NLGN1: variants seen among roughly 807,000 people sequenced by gnomAD.
The protein encoded by NLGN1 is neuroligin 1.
In NLGN1, 12 loss-of-function variants were observed where a neutral mutation model predicts 65.5. The observed-to-expected ratio is 0.18, with a 90% CI of 0.12 to 0.30. The LOEUF is 0.30. Among genes scored for constraint, NLGN1 ranks in the 10% least tolerant of loss-of-function variants. The pLI is 1.00. For synonymous variants in NLGN1, 350 were observed against 359.5 expected (o/e 0.97, Z 0.30); for missense variants, 750 against 1,007.1 (o/e 0.74, Z 3.46).
chr3:173,422,249 C>T (rs1715234399), intron 1 of NLGN1, among the ~76,000 whole-genome samples: 1 of 152,050 alleles, frequency 6.6e-6, no homozygotes, highest in Non-Finnish European at 1.5e-5. Flanking sequence ...AGACATTATG[C>T]TAATTGAAAT....
chr3:173,589,775 A>G (rs1372243012), intron 2 of NLGN1, among the ~76,000 whole-genome samples: 2 of 152,192 alleles, frequency 1.3e-5, no homozygotes, highest in African/African-American at 2.4e-5. Context: ...TTTTGTAACC[A>G]TAATGATTCT....
chr3:174,170,274 C>A (rs1394123190), intron 4 of NLGN1, among the ~76,000 whole-genome samples: 3 of 151,858 alleles, frequency 2.0e-5, no homozygotes, highest in African/African-American at 7.3e-5. Context: ...ACATTTCCCA[C>A]CTCCTACAAT....
chr3:174,031,436 A>G lies in NLGN1; in HGVS notation c.646+223604A>G, dbSNP rs561149205. On this transcript the variant is annotated intron_variant, in intron 4 of 6. Transcript: ENST00000457714. The stretch of plus-strand genomic sequence containing the variant: ...GTAAGTGTAAAAATGCCAATGATCA[A>G]CAGATATTTGAGATAAAGGTTTGTG... Among the ~76,000 whole-genome samples the G allele has an allele frequency of 1.9e-3, 284 of 152,288 alleles. 2 individuals are homozygous for G. The highest frequency in any genetic ancestry group is 6.4e-3 in the African/African-American group (268 of 41,556).
chr3:173,884,434 A>G (rs372405335), intron 4 of NLGN1, among the ~76,000 whole-genome samples: 1 of 152,140 alleles, frequency 6.6e-6, no homozygotes, highest in South Asian at 2.1e-4. Flanking sequence ...GATGTGTGCT[A>G]TATATGTTCG....
chr3:174,274,022 G>A (rs1179278340), intron 4 of NLGN1, among the ~76,000 whole-genome samples: 1 of 151,528 alleles, frequency 6.6e-6, no homozygotes, highest in East Asian at 1.9e-4. Flanking sequence ...GAATAAAATA[G>A]TTGTTATCAC....
At chr3:173,598,369 T>A (rs1165618736) in intron 2 of NLGN1, among the ~76,000 whole-genome samples, 2 of 152,158 alleles carry the variant, frequency 1.3e-5, no homozygotes, top group East Asian at 3.9e-4. Context: ...TTAATTGCTT[T>A]CTCTTTTTGT....
intron 4 of NLGN1, among the ~76,000 whole-genome samples, chr3:173,833,707 G>A (rs1271384010): frequency 6.6e-6 from 1 of 151,992 alleles, no homozygotes; most frequent in Non-Finnish European, 1.5e-5. Context: ...TTGTAGAGAT[G>A]GAGTTTTGCC....
chr3:173,992,897 T>G (rs1721420820), intron 4 of NLGN1, among the ~76,000 whole-genome samples: 1 of 152,216 alleles, frequency 6.6e-6, no homozygotes, highest in African/African-American at 2.4e-5. Flanking sequence ...TACAACAATC[T>G]TAGTCTACTT....
intron 2 of NLGN1, among the ~76,000 whole-genome samples, chr3:173,509,868 T>C (rs1382510809): frequency 1.3e-5 from 2 of 152,192 alleles, no homozygotes; most frequent in African/African-American, 4.8e-5. Context: ...ATGAATTGAT[T>C]GTTTTGATAT....
At chr3:174,096,629 T>C (rs1264597736) in intron 4 of NLGN1, among the ~76,000 whole-genome samples, 1 of 152,192 alleles carries the variant, frequency 6.6e-6, no homozygotes, top group Non-Finnish European at 1.5e-5. Context: ...TTTGTGGTAA[T>C]ATATTATAAA....
intron 4 of NLGN1, among the ~76,000 whole-genome samples, chr3:174,095,572 A>G (rs1355185475): frequency 6.6e-6 from 1 of 151,850 alleles, no homozygotes; most frequent in Non-Finnish European, 1.5e-5. Flanking sequence ...GTATGTATGT[A>G]TATGTACATA....
At chr3:173,848,964 G>C (rs1726350893) in intron 4 of NLGN1, among the ~76,000 whole-genome samples, 1 of 152,104 alleles carries the variant, frequency 6.6e-6, no homozygotes. Context: ...GGTATGTAGA[G>C]GGTGAAGGGT....
intron 4 of NLGN1, among the ~76,000 whole-genome samples, chr3:174,204,180 T>C (rs557692268): frequency 2.0e-5 from 3 of 152,160 alleles, no homozygotes; most frequent in Non-Finnish European, 4.4e-5. Context: ...TGTTTTGTTT[T>C]TAATTTTACA....
intron 2 of NLGN1, among the ~76,000 whole-genome samples, chr3:173,522,497 C>T (rs1197951986): frequency 2.0e-5 from 3 of 152,164 alleles, no homozygotes; most frequent in African/African-American, 7.2e-5. Context: ...ATGGCATGAT[C>T]TTGGCTCACT....
chr3:173,861,754 T>TTTTA lies in NLGN1; in HGVS notation c.646+53941_646+53944dup, dbSNP rs535129088. 7.5e-3 allele frequency among the ~76,000 whole-genome samples: 1,135 copies of TTTTA among 151,890 alleles called. 16 individuals carry two copies. The highest frequency in any genetic ancestry group is 0.025 in the African/African-American group (1,027 of 41,380). ...TTTGTGTGTGTTTCTAAATTTTTCATTTTATTTATTTATTTATTTATTGAG... is the reference window on the plus strand; with the variant it reads ...TTTGTGTGTGTTTCTAAATTTTTCATTTTATTTATTTATTTATTTATTTATTGAG... On this transcript the variant is annotated intron_variant, in intron 4 of 6. Coordinates refer to ENST00000457714, the Ensembl canonical transcript of NLGN1.
intron 2 of NLGN1, among the ~76,000 whole-genome samples, chr3:173,468,121 C>T (rs189174229): frequency 2.0e-5 from 3 of 152,212 alleles, no homozygotes; most frequent in East Asian, 1.9e-4. Flanking sequence ...ACTTTAAGAG[C>T]CGCGGGCTGT....
At chr3:173,981,686 C>T (rs905928692) in intron 4 of NLGN1, among the ~76,000 whole-genome samples, 2 of 151,908 alleles carry the variant, frequency 1.3e-5, no homozygotes, top group Non-Finnish European at 2.9e-5. Flanking sequence ...ATATCTTATA[C>T]CTATATAATA....
intron 3 of NLGN1, among the ~76,000 whole-genome samples, chr3:173,706,503 T>C (rs975428828): frequency 6.6e-6 from 1 of 152,224 alleles, no homozygotes; most frequent in Non-Finnish European, 1.5e-5. Context: ...GTAGATATTT[T>C]ATACTTCATG....
intron 4 of NLGN1, among the ~76,000 whole-genome samples, chr3:174,178,161 A>ACTAT (rs1279575427): frequency 6.6e-6 from 1 of 152,104 alleles, no homozygotes. Flanking sequence ...AGGAATGCAC[A>ACTAT]CTATCTAGTG....
Sources: gnomAD v4.1 joint callset for allele counts (sites outside exome capture counted in the v4.1 genomes callset) on GRCh38, gnomAD v4.1.1 for gene constraint, MANE v1.5 for transcripts, NCBI Gene and HGNC (gene_info 2026-07-23, HGNC 2026-07-21) for gene names.